Variants in SYNPR observed in about 807,000 individuals in gnomAD.
The protein encoded by SYNPR is synaptoporin.
Under a neutral mutation model 32.9 loss-of-function variants are expected in SYNPR, and 23 were observed. That is an observed-to-expected ratio of 0.70 (90% CI 0.50 to 0.99). The LOEUF (loss-of-function observed/expected upper bound fraction) is 0.99, where lower values mean the gene tolerates loss of function less well. Ranked by LOEUF, SYNPR falls within the 50% of genes least tolerant of loss-of-function variation. The pLI is 0.00. For missense variants in SYNPR, 318 were observed against 349.3 expected, an observed-to-expected ratio of 0.91 and a Z score of 0.71; for synonymous variants, 146 against 135.9, an observed-to-expected ratio of 1.07 and a Z score of -0.52.
At chr3:63,245,607 T>C (rs1019038379) in intron 1 of SYNPR, among the ~76,000 whole-genome samples, 2 of 151,874 alleles carry the variant, frequency 1.3e-5, no homozygotes, top group Admixed American at 1.3e-4. Flanking sequence ...ATTGCTTGTG[T>C]TTATATTTTC....
At chr3:63,575,515 C>T (rs113902975) in intron 4 of SYNPR, among the ~76,000 whole-genome samples, 12 of 152,294 alleles carry the variant, frequency 7.9e-5, no homozygotes, top group African/African-American at 1.9e-4. Context: ...TTCCCAGATA[C>T]GCTTCTCATG....
At chr3:63,451,193 G>A (rs1199847239) in intron 2 of SYNPR, among the ~76,000 whole-genome samples, 2 of 152,170 alleles carry the variant, frequency 1.3e-5, no homozygotes, top group Admixed American at 6.5e-5. Flanking sequence ...TGTTGAAACT[G>A]TGCAGGCCTG....
At chr3:63,464,064 T>C (rs1294481759) in intron 2 of SYNPR, among the ~76,000 whole-genome samples, 1 of 152,180 alleles carries the variant, frequency 6.6e-6, no homozygotes, top group Non-Finnish European at 1.5e-5. Flanking sequence ...TTTCACCCTG[T>C]TTAGAGTAAA....
At chr3:63,528,561 C>T (rs1416192734) in intron 3 of SYNPR, among the ~76,000 whole-genome samples, 1 of 152,156 alleles carries the variant, frequency 6.6e-6, no homozygotes, top group Non-Finnish European at 1.5e-5. Flanking sequence ...AGGTTTCTAA[C>T]ACTAAAACGT....
chr3:63,445,525 G>A (rs1283182595), intron 2 of SYNPR: 1 of 697,568 alleles, frequency 1.4e-6, no homozygotes, highest in East Asian at 2.7e-5. Flanking sequence ...TTCATAATCA[G>A]CTCCTCTCTT....
intron 3 of SYNPR, among the ~76,000 whole-genome samples, chr3:63,501,324 C>G (rs1487135512): frequency 1.3e-5 from 2 of 151,654 alleles, no homozygotes; most frequent in Non-Finnish European, 2.9e-5. Context: ...ACAAAAAATA[C>G]AAGAATTATC....
At chr3:63,283,623 CT>C (rs10650958) in intron 2 of SYNPR, among the ~76,000 whole-genome samples, 2,800 of 111,440 alleles carry the variant, frequency 0.025, 25 homozygotes, top group African/African-American at 0.085. Flanking sequence ...ACAGATAATT[CT>C]TTTTTTTTTT....
chr3:63,523,763 T>C (rs958622783), intron 3 of SYNPR, among the ~76,000 whole-genome samples: 1 of 152,142 alleles, frequency 6.6e-6, no homozygotes, highest in Admixed American at 6.5e-5. Context: ...AGTCTTAGAA[T>C]TTAAAAAAAT....
intron 2 of SYNPR, among the ~76,000 whole-genome samples, chr3:63,355,339 T>A (rs4507246): frequency 0.12 from 18,483 of 150,056 alleles, 2,804 homozygotes; most frequent in African/African-American, 0.36. Context: ...GACATCAGAG[T>A]CTGCTGCAGT....
chr3:63,451,548 G>T (rs112185191), intron 2 of SYNPR, among the ~76,000 whole-genome samples: 16 of 152,220 alleles, frequency 1.1e-4, no homozygotes, highest in South Asian at 2.1e-4. Context: ...TTAAGACCCT[G>T]TTACCCCCAT....
At chr3:63,475,230 G>T (rs1334411952) in intron 2 of SYNPR, among the ~76,000 whole-genome samples, 2 of 152,150 alleles carry the variant, frequency 1.3e-5, no homozygotes, top group African/African-American at 4.8e-5. Context: ...AATTTTGAGA[G>T]TAATTTTTTG....
At chr3:63,604,000 C>A (rs574426198) in intron 4 of SYNPR, among the ~76,000 whole-genome samples, 107 of 152,146 alleles carry the variant, frequency 7.0e-4, no homozygotes, top group Middle Eastern at 6.8e-3. Context: ...GATTGGCAGG[C>A]CTTTTATTAC....
At chr3:63,342,409 A>G (rs766758619) in intron 2 of SYNPR, among the ~76,000 whole-genome samples, 21 of 152,096 alleles carry the variant, frequency 1.4e-4, no homozygotes, top group Non-Finnish European at 2.5e-4. Flanking sequence ...CGTTGATGTG[A>G]TGGGTTACAT....
chr3:63,502,258 TCACAG>T (rs1309345792), intron 3 of SYNPR, among the ~76,000 whole-genome samples: 1 of 152,086 alleles, frequency 6.6e-6, no homozygotes, highest in Non-Finnish European at 1.5e-5. Flanking sequence ...AATTTTAGGC[TCACAG>T]CAAAATGGAG....
At chr3:63,233,552 G>A (rs1465820200) in intron 1 of SYNPR, among the ~76,000 whole-genome samples, 1 of 152,130 alleles carries the variant, frequency 6.6e-6, no homozygotes, top group Middle Eastern at 3.2e-3. Context: ...ATTCCTAAAA[G>A]ATTCTATGCA....
At chr3:63,483,806 G>A (rs1457339904) in intron 3 of SYNPR, among the ~76,000 whole-genome samples, 1 of 152,148 alleles carries the variant, frequency 6.6e-6, no homozygotes, top group East Asian at 1.9e-4. Context: ...ATTTGAAGTA[G>A]GAGATTATAA....
intron 3 of SYNPR, among the ~76,000 whole-genome samples, chr3:63,496,968 A>G (rs146149839): frequency 1.5e-3 from 233 of 152,260 alleles, no homozygotes; most frequent in African/African-American, 5.3e-3. Context: ...CATCCTTTTT[A>G]AGAATAGCTT....
At chr3:63,442,678 G>A (rs142704915) in intron 2 of SYNPR, among the ~76,000 whole-genome samples, 1 of 152,218 alleles carries the variant, frequency 6.6e-6, no homozygotes, top group East Asian at 1.9e-4. Flanking sequence ...TGCAGGAGAC[G>A]TCTTTAAGTA....
the SYNPR span, among the ~76,000 whole-genome samples, chr3:63,205,645 C>A: frequency 6.6e-6 from 1 of 152,312 alleles, no homozygotes; most frequent in South Asian, 2.1e-4. Context: ...TATATTCTTC[C>A]CTTGACAGGC....
Sources: allele counts gnomAD v4.1 joint callset (sites outside exome capture counted in the v4.1 genomes callset), GRCh38; gene constraint gnomAD v4.1.1; transcripts MANE v1.5; gene names NCBI Gene and HGNC (gene_info 2026-07-23, HGNC 2026-07-21).